Variants in MINDY1 observed in about 807,000 individuals in gnomAD.
MINDY1 encodes ubiquitin carboxyl-terminal hydrolase MINDY-1.
A neutral mutation model predicts 53.6 loss-of-function variants in MINDY1; 50 were observed. That is an observed-to-expected ratio of 0.93 (90% CI 0.74 to 1.18). The LOEUF is 1.18. Ranked by LOEUF, MINDY1 falls within the 50% of genes most tolerant of loss-of-function variation. The pLI, the probability that MINDY1 is intolerant of heterozygous loss-of-function variation, is 0.00. For missense variants in MINDY1, 484 were observed against 578.6 expected, an observed-to-expected ratio of 0.84 and a Z score of 1.68; for synonymous variants, 231 against 234.7, an observed-to-expected ratio of 0.98 and a Z score of 0.14.
At position 150,999,373 on chromosome 1, in the gene MINDY1, T is replaced by C. The variant is rs1449528547; in HGVS notation, c.977A>G (p.His326Arg). 1.2e-6 allele frequency: 2 copies of C among 1,614,090 alleles called. No individual in the cohort carries two copies. Among genetic ancestry groups the C allele is most frequent in the Middle Eastern group, 1.6e-4 (1 of 6,062 alleles). ...RNNHFSTMTK[H>R]KSHLYLLVTD... is the part of the protein sequence containing the mutation. ...CCACCCCCAAACTCGCATTACCTTATGCTTAGTCATGGTGCTAAAGTGGTT... is the reference window on the plus strand; with the variant it reads ...CCACCCCCAAACTCGCATTACCTTACGCTTAGTCATGGTGCTAAAGTGGTT... Residue 326 changes from histidine to arginine, a missense_variant, in exon 7 of 10, where the codon CAT becomes CGT. By Grantham distance (29) the His-to-Arg change is conservative (BLOSUM62 0). Coordinates refer to ENST00000683666, the MANE Select transcript of MINDY1 (RefSeq NM_001376665.1). This position sits in a 1 kb window ranked among gnomAD's most constrained non-coding sequence, Gnocchi z 4.4.
chr1:151,001,798 G>T lies in MINDY1; in HGVS notation c.454-16C>A. On this transcript the variant is annotated splice_polypyrimidine_tract_variant and intron_variant, in intron 2 of 9. Transcript: ENST00000683666. ...GGAGCTTCACCTGGAGGCAGAAGGGGTGATCACGTGTGTGCTTTCCTCCAA... is the reference window on the plus strand; with the variant it reads ...GGAGCTTCACCTGGAGGCAGAAGGGTTGATCACGTGTGTGCTTTCCTCCAA... The T allele has an allele frequency of 6.3e-7, 1 of 1,582,986 alleles. No homozygotes were observed. The highest frequency in any genetic ancestry group is 8.5e-7 in the Non-Finnish European group (1 of 1,171,130).
At chr1:151,004,671 C>T (rs1401208937) in intron 1 of MINDY1, among the ~76,000 whole-genome samples, 1 of 151,652 alleles carries the variant, frequency 6.6e-6, no homozygotes, top group Non-Finnish European at 1.5e-5. Context: ...CAGGGGGTTG[C>T]AGTGAGCTGA....
intron 1 of MINDY1, among the ~76,000 whole-genome samples, chr1:151,005,419 T>C (rs1673075784): frequency 7.2e-6 from 1 of 139,352 alleles, no homozygotes; most frequent in Non-Finnish European, 1.5e-5. Context: ...GCCTCTGCAC[T>C]CCAGCCTGGG....
At chr1:150,997,534 G>A (rs1461580754) in intron 9 of MINDY1, 90 bp downstream of exon 9, 1 of 1,594,406 alleles carries the variant, frequency 6.3e-7, no homozygotes, top group Non-Finnish European at 8.5e-7. Flanking sequence ...AAGAAACCTT[G>A]AAGAGACCAG....
upstream of MINDY1, among the ~76,000 whole-genome samples, chr1:151,007,896 C>T (rs1350044074): frequency 2.0e-5 from 3 of 152,038 alleles, no homozygotes; most frequent in Non-Finnish European, 4.4e-5. Flanking sequence ...AGCAAAAAGC[C>T]AAGGTTACAA....
At chr1:151,004,731 A>AAAAATAAAATAAAAT (rs139261422) in intron 1 of MINDY1, among the ~76,000 whole-genome samples, 3 of 136,490 alleles carry the variant, frequency 2.2e-5, no homozygotes, top group African/African-American at 8.3e-5. Context: ...ACTCCATCTC[A>AAAAATAAAATAAAAT]AAAATAAAAT....
rs774982413 is a variant in MINDY1, at chr1:150,999,896, G to A, written c.804C>T (p.Cys268=). The change falls in exon 6 of 10, where the codon TGC becomes TGT. Residue 268 remains cysteine (C), a synonymous_variant. Coordinates refer to ENST00000683666, the MANE Select transcript of MINDY1 (RefSeq NM_001376665.1). This position sits in a 1 kb window ranked among gnomAD's most constrained non-coding sequence, Gnocchi z 4.4. The part of the protein sequence containing the change: ...YNQLVERIIT[C]KHSSDTNLVT... ...CGAGGTTGGTGTCACTGGAGTGTTT[G>A]CAGGTGATGATCCTCTCCACCAGCT... 1.9e-6 allele frequency: 3 copies of A among 1,614,032 alleles called. No individual in the cohort carries two copies. Among genetic ancestry groups the A allele is most frequent in the South Asian group, 1.1e-5 (1 of 91,080 alleles).
intron 1 of MINDY1, 127 bp downstream of exon 1, chr1:151,006,182 GCTC>G (rs1274756893): frequency 6.4e-7 from 1 of 1,551,102 alleles, no homozygotes; most frequent in South Asian, 1.2e-5. Flanking sequence ...TCCTGACTTA[GCTC>G]CTCTAAGCAA....
At position 150,999,924 on chromosome 1, in the gene MINDY1, T is replaced by C; in HGVS notation, c.776A>G (p.Asn259Ser). 1 of 1,614,084 alleles carries C rather than the reference T, an allele frequency of 6.2e-7. No homozygotes were observed. The highest frequency in any genetic ancestry group is 8.5e-7 in the Non-Finnish European group (1 of 1,180,000). Residue 259 changes from asparagine (N) to serine (S), a missense_variant, in exon 6 of 10, where the codon AAC (asparagine) becomes AGC (serine). Asn to Ser is a conservative substitution (Grantham distance 46). Transcript: ENST00000683666. The surrounding 1 kb of genome is among the most constrained non-coding windows in gnomAD (Gnocchi z 4.4). ...GGTGATGATCCTCTCCACCAGCTGG[T>C]TGTAACTCAGTTTCCCAACTGCACG... Reference protein sequence around the residue: ...AVRAVGKLSYNQLVERIITCK... With the variant: ...AVRAVGKLSYSQLVERIITCK...
chr1:151,002,568 G>T lies in MINDY1; in HGVS notation c.50C>A (p.Ala17Glu). Residue 17 changes from alanine to glutamate, a missense_variant, in exon 2 of 10, where the codon GCA becomes GAA. Coordinates refer to ENST00000683666, the MANE Select transcript of MINDY1 (RefSeq NM_001376665.1). This position sits in a 1 kb window ranked among gnomAD's most constrained non-coding sequence, Gnocchi z 4.1. Reference protein sequence around the residue: ...EDPAPGKAGTAEAVIPENHEV... With the variant: ...EDPAPGKAGTEEAVIPENHEV... ...ATGGTTTTCAGGGATGACTGCTTCT[G>T]CAGTCCCGGCCTTACCAGGGGCTGG... 1 of 1,614,220 alleles carries T rather than the reference G, an allele frequency of 6.2e-7. No individual in the cohort carries two copies. The highest frequency in any genetic ancestry group is 8.5e-7 in the Non-Finnish European group (1 of 1,180,036).
Position 151,000,554 on chromosome 1 carries a change from C to G in MINDY1, c.638G>C (p.Arg213Pro). The change falls in exon 5 of 10, where the codon CGA (arginine) becomes CCA (proline). Residue 213 changes from arginine to proline, a missense_variant. Transcript: ENST00000683666. ...CTCAAAATCAGAGACGCCTGTGAAT[C>G]GCACATTGACATCCAGACCTGTGGC... is the stretch of plus-strand genomic sequence containing the variant. ...KLATGLDVNV[R>P]FTGVSDFEYT... 6.2e-7 allele frequency: 1 copy of G among 1,614,138 alleles called. No individual in the cohort carries two copies. The highest frequency in any genetic ancestry group is 1.7e-5 in the Admixed American group (1 of 60,018).
intron 4 of MINDY1, 91 bp from the exon 5 acceptor site, chr1:151,000,706 T>C (rs1672460231): frequency 1.3e-5 from 18 of 1,393,532 alleles, no homozygotes; most frequent in Non-Finnish European, 1.7e-5. Context: ...ACCTTGCTGC[T>C]CTTCTTCCCT....
rs961084368 is a variant in MINDY1, at chr1:151,002,309, G to C, written c.309C>G (p.Ser103=). 1 of 1,614,182 alleles carries C rather than the reference G, an allele frequency of 6.2e-7. No homozygotes were observed. Among genetic ancestry groups the C allele is most frequent in the Non-Finnish European group, 8.5e-7 (1 of 1,180,040 alleles). ...ACSMPQELPQ[S]PRTRQPEPDF... ...CTGGCTCAGGCTGTCGGGTCCTGGG[G>C]GACTGAGGAAGCTCCTGGGGCATGG... is the stretch of plus-strand genomic sequence containing the variant. The change falls in exon 2 of 10, where the codon TCC becomes TCG. Residue 103 remains serine (S), a synonymous_variant. Coordinates refer to ENST00000683666, the MANE Select transcript of MINDY1 (RefSeq NM_001376665.1). The surrounding 1 kb of genome is among the most constrained non-coding windows in gnomAD (Gnocchi z 4.1).
rs1431711467 is a variant in MINDY1 at position 150,998,120 on chromosome 1, C to G, written c.1135G>C (p.Gly379Arg). The G allele has an allele frequency of 7.4e-6, 12 of 1,613,622 alleles. No homozygotes were observed. The highest frequency in any genetic ancestry group is 1.0e-5 in the Non-Finnish European group (12 of 1,180,000). The change falls in exon 8 of 10, where the codon GGG becomes CGG. Residue 379 changes from glycine (G) to arginine (R), a missense_variant. Gly to Arg is a moderately radical substitution (Grantham distance 125). Coordinates refer to ENST00000683666, the MANE Select transcript of MINDY1 (RefSeq NM_001376665.1). ...AGCTGCGTTTCTGGGGAGCCACTCC[C>G]ACCTTCTGCTCCAGGCCCCTTGCCC... ...SLGKGPGAEG[G>R]SGSPETQLQV...
rs587713785 is a variant in MINDY1 at position 151,002,885 on chromosome 1, C to T, written c.-89-179G>A. ...TCTTTCCACCTCTAACTTGCTGTGA[C>T]CAGATGAGACCAAGAGGTCGTGGGG... On this transcript the variant is annotated intron_variant, in intron 1 of 9. Coordinates refer to ENST00000683666, the MANE Select transcript of MINDY1 (RefSeq NM_001376665.1). This position sits in a 1 kb window ranked among gnomAD's most constrained non-coding sequence, Gnocchi z 4.1. 147 of 1,405,614 alleles carry T rather than the reference C, an allele frequency of 1.0e-4. 1 individual carries two copies. The South Asian group carries it at 1.8e-3, about 17-fold the overall frequency. 87.1% of individuals were successfully genotyped at this position (1,405,614 alleles called of 1,614,324 possible).
chr1:151,000,393 A>C, intron 5 of MINDY1, 64 bp downstream of exon 5: 1 of 1,514,194 alleles, frequency 6.6e-7, no homozygotes, highest in Non-Finnish European at 8.8e-7. Context: ...CTACCCGACA[A>C]AAATTTGCCT....
chr1:151,005,992 C>T, intron 1 of MINDY1: 1 of 1,401,596 alleles, frequency 7.1e-7, no homozygotes, highest in Admixed American at 2.2e-5. Flanking sequence ...CTTACTGTCT[C>T]ACACCAATCT....
In MINDY1 at chr1:151,002,158, C is replaced by A; in HGVS notation, c.453+7G>T. 1.3e-6 allele frequency: 2 copies of A among 1,596,364 alleles called. No homozygotes were observed. Among genetic ancestry groups the A allele is most frequent in the South Asian group, 2.3e-5 (2 of 88,618 alleles). ...TTTTTTGCACCCCTAACTGCATGTT[C>A]TCTTACCTTCCACTGAAGAAAGAGG... On this transcript the variant is annotated splice_region_variant and intron_variant, in intron 2 of 9. Transcript: ENST00000683666. This position sits in a 1 kb window ranked among gnomAD's most constrained non-coding sequence, Gnocchi z 4.1.
rs1047780086 is a variant in MINDY1, at chr1:151,006,703, C to T, written c.-481G>A. 2.9e-5 allele frequency: 29 copies of T among 985,376 alleles called. No homozygotes were observed. Among genetic ancestry groups the T allele is most frequent in the Non-Finnish European group, 3.3e-5 (27 of 830,056 alleles). 61.0% of individuals were successfully genotyped at this position (985,376 alleles called of 1,614,324 possible). On this transcript the variant is annotated 5_prime_UTR_variant, in exon 1 of 10. Coordinates refer to ENST00000683666, the MANE Select transcript of MINDY1 (RefSeq NM_001376665.1). ...TCTCTCTTTTTTGTTCTCATCAGGA[C>T]GAAGAAAAATTAGGCAAGGACAAGC...
Sources: gnomAD v4.1 joint callset for allele counts (sites outside exome capture counted in the v4.1 genomes callset) on GRCh38, gnomAD v4.1.1 for gene constraint, Gnocchi (gnomAD v3.1) non-coding constraint, MANE v1.5 for transcripts, NCBI Gene and HGNC (gene_info 2026-07-23, HGNC 2026-07-21) for gene names.